The following TRIM16 variants were observed in gnomAD, a reference collection of about 807,000 sequenced individuals.
The protein encoded by TRIM16 is tripartite motif containing 16, also known as tripartite motif-containing protein 16.
Under a neutral mutation model 50.4 loss-of-function variants are expected in TRIM16, and 33 were observed. That is an observed-to-expected ratio of 0.65 (90% confidence interval 0.50 to 0.88). The LOEUF (loss-of-function observed/expected upper bound fraction) is 0.88. TRIM16 is among the 40% of genes least tolerant of loss of function. The pLI is 0.00. For missense variants in TRIM16, 581 were observed against 686.8 expected (o/e 0.85, Z 1.72); for synonymous variants, 229 against 270.7 (o/e 0.85, Z 1.51).
intron 8 of TRIM16, among the ~76,000 whole-genome samples, chr17:15,637,285 G>A (rs1440312285): frequency 4.4e-5 from 5 of 113,616 alleles, no homozygotes; most frequent in Non-Finnish European, 7.3e-5. Flanking sequence ...CTGCCCGGCC[G>A]CCCCTACTGG....
In TRIM16 at chr17:15,635,196, G is replaced by C. The variant is rs1051705335; in HGVS notation, c.849+840C>G. Among the ~76,000 whole-genome samples the C allele has an allele frequency of 5.5e-5, 8 of 146,438 alleles. 1 individual carries two copies. Among genetic ancestry groups the C allele is most frequent in the African/African-American group, 2.0e-4 (8 of 39,252 alleles). On this transcript the variant is annotated intron_variant, in intron 9 of 11. Transcript: ENST00000649191. ...TTGTATTTCAGAATATCAGAGCTTG[G>C]ATGGAGCCTTCTGAATTATTTACTC...
At chr17:15,632,857 G>T in intron 9 of TRIM16, 183 bp from the exon 10 acceptor site, 1 of 732,828 alleles carries the variant, frequency 1.4e-6, no homozygotes, top group Admixed American at 3.3e-5. Flanking sequence ...TTCTCTAGCT[G>T]CTAGACCCTC....
intron 11 of TRIM16, among the ~76,000 whole-genome samples, chr17:15,631,044 A>G (rs949631140): frequency 3.9e-5 from 6 of 152,054 alleles, no homozygotes; most frequent in Admixed American, 1.3e-4. Context: ...CTAATGGACC[A>G]AGTCAATAAC....
At chr17:15,668,833 A>G (rs498213) in intron 6 of TRIM16, among the ~76,000 whole-genome samples, 117,595 of 151,904 alleles carry the variant, frequency 0.77, 45,902 homozygotes, top group African/African-American at 0.87. Context: ...AATAAGGACA[A>G]TTAGTTCAAT....
intron 6 of TRIM16, among the ~76,000 whole-genome samples, chr17:15,676,203 C>A (rs540229202): frequency 2.0e-5 from 3 of 152,154 alleles, no homozygotes; most frequent in African/African-American, 7.2e-5. Context: ...ACTCCACTCA[C>A]GAGATGCCCA....
intron 7 of TRIM16, among the ~76,000 whole-genome samples, chr17:15,644,379 G>A (rs567308225): frequency 1.4e-4 from 22 of 152,210 alleles, no homozygotes; most frequent in African/African-American, 5.3e-4. Flanking sequence ...GTAGAGACAG[G>A]GTTTCACCAT....
intron 6 of TRIM16, among the ~76,000 whole-genome samples, chr17:15,675,157 T>A (rs1988874730): frequency 6.6e-6 from 1 of 152,030 alleles, no homozygotes; most frequent in Non-Finnish European, 1.5e-5. Context: ...AATTGAGCTT[T>A]AGAGTCTATT....
chr17:15,629,324 C>T (rs1019115433), intron 11 of TRIM16, 126 bp from the exon 12 acceptor site: 2 of 622,940 alleles, frequency 3.2e-6, no homozygotes, highest in Non-Finnish European at 5.7e-6. Flanking sequence ...TCTCTATTTA[C>T]CCAGGCTGCT....
Position 15,673,330 on chromosome 17 carries a change from G to A in TRIM16, c.-338+3846C>T, listed in dbSNP as rs1286324958. On this transcript the variant is annotated intron_variant, in intron 6 of 11. Coordinates refer to ENST00000649191, the MANE Select transcript of TRIM16 (RefSeq NM_001348119.1). ...TGGTCTGTCTCACCGCTAATTTTCAGAACAAAAATCCTTTCTTCTCTAACT... is the reference window on the plus strand; with the variant it reads ...TGGTCTGTCTCACCGCTAATTTTCAAAACAAAAATCCTTTCTTCTCTAACT... Among the ~76,000 whole-genome samples the A allele has an allele frequency of 2.0e-5, 3 of 152,142 alleles. No individual in the cohort carries two copies. The South Asian group carries it at 6.2e-4, about 32-fold the overall frequency.
intron 11 of TRIM16, among the ~76,000 whole-genome samples, chr17:15,631,054 C>T (rs1986390931): frequency 1.3e-5 from 2 of 152,020 alleles, no homozygotes; most frequent in East Asian, 1.9e-4. Flanking sequence ...AAGTCAATAA[C>T]ACTTAATGAT....
rs574504717 is a variant in TRIM16 at position 15,667,353 on chromosome 17, A to T, written c.-338+9823T>A. ...CACTCAAAAATTGAAAATAAATTTT[A>T]AAAAAAGCCAGTTTCATTTAAGAAT... On this transcript the variant is annotated intron_variant, in intron 6 of 11. Transcript: ENST00000649191. 3.6e-3 allele frequency among the ~76,000 whole-genome samples: 541 copies of T among 152,302 alleles called. 1 individual carries two copies. Among genetic ancestry groups the T allele is most frequent in the Non-Finnish European group, 6.4e-3 (433 of 68,018 alleles).
At chr17:15,640,499 G>A (rs1006385810) in intron 8 of TRIM16, among the ~76,000 whole-genome samples, 5 of 147,998 alleles carry the variant, frequency 3.4e-5, no homozygotes, top group African/African-American at 1.3e-4. Flanking sequence ...CTGAGCAGGC[G>A]ACCAAGAGGG....
intron 6 of TRIM16, among the ~76,000 whole-genome samples, chr17:15,658,237 C>T (rs747255123): frequency 1.6e-4 from 25 of 152,322 alleles, no homozygotes; most frequent in Non-Finnish European, 3.1e-4. Flanking sequence ...AGGTTCCCTC[C>T]TGGTTTAGGG....
At chr17:15,652,911 C>T (rs761612451) in intron 6 of TRIM16, among the ~76,000 whole-genome samples, 16 of 152,144 alleles carry the variant, frequency 1.1e-4, no homozygotes, top group Non-Finnish European at 1.5e-4. Flanking sequence ...AGAATGCTCC[C>T]TTCAGGTTAA....
intron 6 of TRIM16, among the ~76,000 whole-genome samples, chr17:15,668,676 C>T (rs2151417725): frequency 6.6e-6 from 1 of 152,256 alleles, no homozygotes; most frequent in East Asian, 1.9e-4. Context: ...CACCACCAAA[C>T]ATTCTTCCCA....
chr17:15,671,421 G>T (rs1988726578), intron 6 of TRIM16, among the ~76,000 whole-genome samples: 1 of 149,934 alleles, frequency 6.7e-6, no homozygotes, highest in Admixed American at 6.7e-5. Flanking sequence ...TGGTGCATAT[G>T]GGTGAATTCT....
At chr17:15,663,752 C>T (rs1268207651) in intron 6 of TRIM16, among the ~76,000 whole-genome samples, 1 of 152,162 alleles carries the variant, frequency 6.6e-6, no homozygotes, top group East Asian at 1.9e-4. Flanking sequence ...CTGGAAAGGA[C>T]CTTGTCCCTA....
intron 7 of TRIM16, among the ~76,000 whole-genome samples, chr17:15,650,279 C>T (rs1293344684): frequency 2.0e-5 from 3 of 152,128 alleles, no homozygotes; most frequent in Non-Finnish European, 4.4e-5. Flanking sequence ...CTACACTTCC[C>T]GACTGAAAAC....
At chr17:15,664,349 G>T (rs1217573944) in intron 6 of TRIM16, among the ~76,000 whole-genome samples, 1 of 152,208 alleles carries the variant, frequency 6.6e-6, no homozygotes, top group Non-Finnish European at 1.5e-5. Flanking sequence ...CAACTGGTTA[G>T]AGAATTTGTA....
Sources: gnomAD v4.1 joint callset for allele counts (sites outside exome capture counted in the v4.1 genomes callset) on GRCh38, gnomAD v4.1.1 for gene constraint, MANE v1.5 for transcripts, NCBI Gene and HGNC (gene_info 2026-07-23, HGNC 2026-07-21) for gene names.